TSPAN14: variants seen among roughly 807,000 people sequenced by gnomAD.
The protein encoded by TSPAN14 is tetraspanin 14, also known as tetraspanin-14.
In TSPAN14, 16 loss-of-function variants were observed where a neutral mutation model predicts 36.6. The observed-to-expected ratio is 0.44, with a 90% CI of 0.30 to 0.66. TSPAN14 has a LOEUF of 0.66. Among genes scored for constraint, TSPAN14 ranks in the 30% least tolerant of loss-of-function variants. TSPAN14 has a pLI of 0.12. For synonymous variants in TSPAN14, 139 were observed against 143.8 expected, an observed-to-expected ratio of 0.97 and a Z score of 0.24; for missense variants, 231 against 355.1, an observed-to-expected ratio of 0.65 and a Z score of 2.81.
At chr10:80,505,737 C>T (rs1840257052) in intron 3 of TSPAN14, among the ~76,000 whole-genome samples, 1 of 152,214 alleles carries the variant, frequency 6.6e-6, no homozygotes, top group Non-Finnish European at 1.5e-5. Context: ...ATCTGTGCCT[C>T]ACAGCACCAC....
intron 5 of TSPAN14, among the ~76,000 whole-genome samples, chr10:80,511,711 C>CTCT: frequency 3.9e-5 from 1 of 25,754 alleles, no homozygotes; most frequent in East Asian, 1.6e-3. Context: ...AAGGGCAGGT[C>CTCT]CTCTCTCTCT....
At chr10:80,508,409 C>T (rs1231536743) in intron 4 of TSPAN14, among the ~76,000 whole-genome samples, 2 of 152,160 alleles carry the variant, frequency 1.3e-5, no homozygotes, top group Non-Finnish European at 2.9e-5. Flanking sequence ...TGAACCACCG[C>T]GCCCGGCCGT....
exon 6 of TSPAN14, chr10:80,512,169 C>T: frequency 6.2e-7 from 1 of 1,614,210 alleles, no homozygotes. Flanking sequence ...GCATATGGCC[C>T]TGAAGACTGG....
chr10:80,502,940 G>A (rs1045374954), intron 2 of TSPAN14, among the ~76,000 whole-genome samples: 2 of 152,100 alleles, frequency 1.3e-5, no homozygotes, highest in African/African-American at 4.8e-5. Context: ...GGAAGAGCAG[G>A]GAGGAAGGCA....
chr10:80,465,064 C>A (rs1846166864), intron 1 of TSPAN14, among the ~76,000 whole-genome samples: 1 of 152,180 alleles, frequency 6.6e-6, no homozygotes, highest in Non-Finnish European at 1.5e-5. Flanking sequence ...TCTCAAGTCC[C>A]TGTGCTTGCC....
chr10:80,505,277 G>GGA (rs1276744093), intron 3 of TSPAN14, among the ~76,000 whole-genome samples: 5 of 152,192 alleles, frequency 3.3e-5, no homozygotes, highest in African/African-American at 1.2e-4. Flanking sequence ...GGGGAGGAGT[G>GGA]GAGACCTGGC....
chr10:80,497,058 C>G (rs1848235183), intron 2 of TSPAN14, among the ~76,000 whole-genome samples: 1 of 151,998 alleles, frequency 6.6e-6, no homozygotes, highest in Non-Finnish European at 1.5e-5. Context: ...AGTATTAAGT[C>G]TTTTGTGTCT....
chr10:80,490,212 A>AG (rs1464798053), intron 2 of TSPAN14, among the ~76,000 whole-genome samples: 1 of 152,144 alleles, frequency 6.6e-6, no homozygotes, highest in Non-Finnish European at 1.5e-5. Context: ...TTGGGGTAGA[A>AG]GGGGTACATT....
chr10:80,520,631 G>A (rs72821613), exon 9 of TSPAN14: 9,595 of 533,210 alleles, frequency 0.018, 158 homozygotes, highest in Non-Finnish European at 0.022. Flanking sequence ...TATTTTTCCT[G>A]TCCCGTCTTC....
At chr10:80,455,450 G>C (rs1845693219) in intron 1 of TSPAN14, among the ~76,000 whole-genome samples, 1 of 152,098 alleles carries the variant, frequency 6.6e-6, no homozygotes, top group Non-Finnish European at 1.5e-5. Context: ...CTCTCCAGGG[G>C]ATCTTCCTCC....
chr10:80,460,225 A>C (rs1845905428), intron 1 of TSPAN14, among the ~76,000 whole-genome samples: 1 of 152,090 alleles, frequency 6.6e-6, no homozygotes, highest in Admixed American at 6.5e-5. Context: ...AAAATTTCTA[A>C]GAGGGTAGGG....
chr10:80,467,667 C>T (rs1370992945), intron 1 of TSPAN14, among the ~76,000 whole-genome samples: 1 of 152,176 alleles, frequency 6.6e-6, no homozygotes, highest in Non-Finnish European at 1.5e-5. Flanking sequence ...AAGAGCCCCT[C>T]TTTTCCTGGG....
At chr10:80,480,653 C>A (rs145964392) in intron 1 of TSPAN14, among the ~76,000 whole-genome samples, 2,429 of 152,210 alleles carry the variant, frequency 0.016, 59 homozygotes, top group African/African-American at 0.054. Flanking sequence ...AATTGGAAAT[C>A]ATCATTCTCA....
chr10:80,521,968 G>A (rs1015362365), exon 9 of TSPAN14: 2 of 151,870 alleles, frequency 1.3e-5, no homozygotes, highest in Non-Finnish European at 2.9e-5. Flanking sequence ...CGTCTCCAGG[G>A]TGCCTCAGGA....
chr10:80,480,980 C>T (rs916626753), intron 1 of TSPAN14, among the ~76,000 whole-genome samples: 7 of 152,040 alleles, frequency 4.6e-5, no homozygotes, highest in Non-Finnish European at 7.3e-5. Flanking sequence ...GTGGTGCATG[C>T]CTGTATCCTA....
At chr10:80,465,124 T>G (rs1399236279) in intron 1 of TSPAN14, among the ~76,000 whole-genome samples, 4 of 151,934 alleles carry the variant, frequency 2.6e-5, no homozygotes, top group Non-Finnish European at 4.4e-5. Context: ...GGAGCAGGAG[T>G]GGCCGGTGCC....
At chr10:80,466,020 C>T (rs1846227206) in intron 1 of TSPAN14, among the ~76,000 whole-genome samples, 1 of 152,206 alleles carries the variant, frequency 6.6e-6, no homozygotes, top group Non-Finnish European at 1.5e-5. Context: ...GTGCCCGCCC[C>T]AACCCATACT....
chr10:80,481,142 A>G (rs751751033), intron 1 of TSPAN14, among the ~76,000 whole-genome samples: 13 of 152,146 alleles, frequency 8.5e-5, no homozygotes, highest in Non-Finnish European at 1.9e-4. Flanking sequence ...AATGTTTCAG[A>G]CATACTGGAT....
At chr10:80,463,971 C>T (rs1846104646) in intron 1 of TSPAN14, among the ~76,000 whole-genome samples, 1 of 152,216 alleles carries the variant, frequency 6.6e-6, no homozygotes, top group Admixed American at 6.5e-5. Context: ...ATATTTACAG[C>T]CCTTGGCTGG....
Sources: allele counts gnomAD v4.1 joint callset (sites outside exome capture counted in the v4.1 genomes callset), GRCh38; gene constraint gnomAD v4.1.1; transcripts MANE v1.5; gene names NCBI Gene and HGNC (gene_info 2026-07-23, HGNC 2026-07-21).